The following CORO2B variants were observed in gnomAD, a reference collection of about 807,000 sequenced individuals.
The protein encoded by CORO2B is coronin-2B.
Under a neutral mutation model 58.8 loss-of-function variants are expected in CORO2B, and 26 were observed. That is an observed-to-expected ratio of 0.44 (90% CI 0.32 to 0.61). CORO2B has a LOEUF of 0.61. CORO2B is among the 20% of genes least tolerant of loss of function. CORO2B has a pLI of 0.04. For synonymous variants in CORO2B, 242 were observed against 253.8 expected (o/e 0.95, Z 0.44); for missense variants, 460 against 645.1 (o/e 0.71, Z 3.11).
chr15:68,566,816 C>A, the CORO2B span, among the ~76,000 whole-genome samples: 1 of 152,186 alleles, frequency 6.6e-6, no homozygotes, highest in South Asian at 2.1e-4. Flanking sequence ...GATGGCCTCC[C>A]TTGGCATTGA....
chr15:68,539,571 G>A, the CORO2B span, among the ~76,000 whole-genome samples: 1,013 of 146,324 alleles, frequency 6.9e-3, 14 homozygotes, highest in African/African-American at 0.024. Context: ...GCTACTCAGG[G>A]GGCTGAGGTG....
chr15:68,574,783 C>T (rs887108769), upstream of CORO2B, among the ~76,000 whole-genome samples: 6 of 152,118 alleles, frequency 3.9e-5, no homozygotes, highest in Admixed American at 6.6e-5. Flanking sequence ...GTGAATCAGG[C>T]GACCATGGAT....
At chr15:68,584,955 A>T (rs545056664) in intron 1 of CORO2B, among the ~76,000 whole-genome samples, 1 of 147,298 alleles carries the variant, frequency 6.8e-6, no homozygotes, top group South Asian at 2.3e-4. Context: ...CTAAGGAGGC[A>T]CAAGTGGGGT....
intron 1 of CORO2B, among the ~76,000 whole-genome samples, chr15:68,604,128 G>A (rs1299630075): frequency 6.6e-6 from 1 of 152,154 alleles, no homozygotes; most frequent in East Asian, 1.9e-4. Flanking sequence ...CACACAGTCA[G>A]CACTCCACAG....
At chr15:68,660,032 CAA>C (rs769961021) in intron 2 of CORO2B, among the ~76,000 whole-genome samples, 4 of 152,176 alleles carry the variant, frequency 2.6e-5, no homozygotes, top group African/African-American at 4.8e-5. Flanking sequence ...GAAGGGAAGA[CAA>C]GAGAGGCAGG....
intron 2 of CORO2B, among the ~76,000 whole-genome samples, chr15:68,667,095 C>T (rs952720536): frequency 6.6e-6 from 1 of 152,120 alleles, no homozygotes; most frequent in African/African-American, 2.4e-5. Flanking sequence ...CACTCTCATG[C>T]TCCCCCACCC....
At chr15:68,707,118 G>A (rs974701791) in intron 3 of CORO2B, among the ~76,000 whole-genome samples, 9 of 152,202 alleles carry the variant, frequency 5.9e-5, no homozygotes, top group East Asian at 1.9e-4. Flanking sequence ...GCGCCACCAC[G>A]CCCAGCTGCC....
At chr15:68,612,299 A>G (rs1900265295) in intron 1 of CORO2B, among the ~76,000 whole-genome samples, 1 of 152,250 alleles carries the variant, frequency 6.6e-6, no homozygotes, top group Non-Finnish European at 1.5e-5. Flanking sequence ...TTTCTGTGGC[A>G]TTCTTTGTGT....
At chr15:68,701,351 G>A (rs948298986) in intron 3 of CORO2B, among the ~76,000 whole-genome samples, 3 of 151,022 alleles carry the variant, frequency 2.0e-5, no homozygotes, top group Admixed American at 6.6e-5. Context: ...TCGCTCTGTC[G>A]CCCAGTCTGG....
intron 2 of CORO2B, among the ~76,000 whole-genome samples, chr15:68,663,374 C>G (rs757290512): frequency 2.0e-5 from 3 of 152,140 alleles, no homozygotes; most frequent in Admixed American, 6.6e-5. Flanking sequence ...ACTGTGGACA[C>G]GCTTTATTTC....
intron 3 of CORO2B, among the ~76,000 whole-genome samples, chr15:68,701,014 A>G (rs914246656): frequency 6.6e-6 from 1 of 152,124 alleles, no homozygotes; most frequent in African/African-American, 2.4e-5. Flanking sequence ...GATGGACAGG[A>G]TGTCAGCCCT....
intron 6 of CORO2B, 34 bp from the exon 7 acceptor site, chr15:68,714,525 T>G (rs1391889351): frequency 6.4e-7 from 1 of 1,559,900 alleles, no homozygotes; most frequent in East Asian, 2.2e-5. Flanking sequence ...CCATCCTGCC[T>G]GCAGAGAGGC....
the CORO2B span, among the ~76,000 whole-genome samples, chr15:68,531,553 AAG>A: frequency 0.013 from 1,336 of 106,306 alleles, 23 homozygotes; most frequent in Non-Finnish European, 0.017. Flanking sequence ...GGAAGGAAGG[AAG>A]GAAAGAAAGA....
intron 2 of CORO2B, among the ~76,000 whole-genome samples, chr15:68,682,206 T>C (rs1221999502): frequency 1.3e-5 from 2 of 152,100 alleles, no homozygotes; most frequent in East Asian, 3.9e-4. Context: ...ATCCTGCAGA[T>C]AGTTATGTAT....
the CORO2B span, among the ~76,000 whole-genome samples, chr15:68,564,938 C>G: frequency 6.6e-6 from 1 of 152,120 alleles, no homozygotes; most frequent in Non-Finnish European, 1.5e-5. Context: ...AAGCTATAAA[C>G]AGTATTGAAA....
At chr15:68,566,566 C>T in the CORO2B span, among the ~76,000 whole-genome samples, 417 of 152,304 alleles carry the variant, frequency 2.7e-3, 1 homozygote, top group African/African-American at 9.6e-3. Flanking sequence ...GCGGACTCTT[C>T]ATGGTCCCAG....
intron 2 of CORO2B, among the ~76,000 whole-genome samples, chr15:68,686,378 G>A (rs1452092233): frequency 6.6e-6 from 1 of 151,946 alleles, no homozygotes; most frequent in African/African-American, 2.4e-5. Flanking sequence ...GATTTACTTG[G>A]TGTCTCATCT....
At chr15:68,600,579 G>C (rs914455481) in intron 1 of CORO2B, among the ~76,000 whole-genome samples, 2 of 152,132 alleles carry the variant, frequency 1.3e-5, no homozygotes, top group South Asian at 4.1e-4. Context: ...GACCCAGGCT[G>C]GGGGGTCTTT....
rs139058025 is a variant in CORO2B, at chr15:68,657,159, A to G, written c.216+11799A>G. Among the ~76,000 whole-genome samples, 109 of 150,260 alleles carry G rather than the reference A, an allele frequency of 7.3e-4. 1 individual carries two copies. In the East Asian group the frequency reaches 0.019, roughly 26 times the overall value. ...TCCTTTTGGCAGTCTAGAAAAACCC[A>G]TAGACCCCTTCACAGAATAAAGTTT... On this transcript the variant is annotated intron_variant, in intron 2 of 11. Transcript: ENST00000261861.
Sources: allele counts gnomAD v4.1 joint callset (sites outside exome capture counted in the v4.1 genomes callset), GRCh38; gene constraint gnomAD v4.1.1; transcripts MANE v1.5; gene names NCBI Gene and HGNC (gene_info 2026-07-23, HGNC 2026-07-21).